Variants in CD72 observed in about 807,000 individuals in gnomAD.
The protein encoded by CD72 is CD72 molecule.
CD72 carries 28 observed loss-of-function variants against 50.7 expected under a neutral mutation model. The ratio of observed to expected loss-of-function variants is 0.55; its 90% confidence interval spans 0.41 to 0.76. The LOEUF (loss-of-function observed/expected upper bound fraction) is 0.76, where lower values mean the gene tolerates loss of function less well. CD72 is among the 30% of genes least tolerant of loss of function. The pLI, the probability that CD72 is intolerant of heterozygous loss-of-function variation, is 0.00. For missense variants in CD72, 403 were observed against 420.6 expected, an observed-to-expected ratio of 0.96 and a Z score of 0.37; for synonymous variants, 176 against 171.2, an observed-to-expected ratio of 1.03 and a Z score of -0.22.
intron 1 of CD72, chr9:35,642,858 C>A (rs1587910434): frequency 6.6e-6 from 1 of 152,158 alleles, no homozygotes; most frequent in Admixed American, 6.5e-5. Flanking sequence ...CATTTTATCA[C>A]CCAATCTGCT....
chr9:35,638,926 G>A (rs751849319), intron 1 of CD72, among the ~76,000 whole-genome samples: 7 of 152,166 alleles, frequency 4.6e-5, no homozygotes, highest in Non-Finnish European at 8.8e-5. Flanking sequence ...ACTACCCAAG[G>A]TAAAGGCGAA....
At chr9:35,616,868 A>C in intron 3 of CD72, 179 bp from the exon 4 acceptor site, 1 of 1,031,282 alleles carries the variant, frequency 9.7e-7, no homozygotes. Flanking sequence ...CAGGTAGGGG[A>C]GAGGGTGTTC....
chr9:35,617,180 G>T lies in CD72; in HGVS notation c.258C>A (p.Leu86=), dbSNP rs1228972051. ...GCCCCGCACAGGCACACTCACAGGG[G>T]AGAATCCGCCCGACAGCTGGTGACG... is the stretch of plus-strand genomic sequence containing the variant. ...AVTSPAVGRI[L]PCRTTCLRYL... Residue 86 remains leucine, a synonymous_variant, in exon 3 of 9, where the codon CTC becomes CTA. Transcript: ENST00000259633. 1 of 1,564,088 alleles carries T rather than the reference G, an allele frequency of 6.4e-7. No individual in the cohort carries two copies. Among genetic ancestry groups the T allele is most frequent in the African/African-American group, 1.4e-5 (1 of 73,688 alleles).
intron 1 of CD72, among the ~76,000 whole-genome samples, chr9:35,637,407 A>G (rs1823300678): frequency 1.3e-5 from 2 of 151,860 alleles, no homozygotes; most frequent in South Asian, 4.2e-4. Context: ...CCTCGCCCTA[A>G]CTCTGTGAGG....
chr9:35,611,378 G>C (rs1046306915), intron 7 of CD72, among the ~76,000 whole-genome samples: 3 of 152,120 alleles, frequency 2.0e-5, no homozygotes, highest in African/African-American at 4.8e-5. Context: ...GTGGAGCTTC[G>C]ATGGTACCCC....
At chr9:35,622,792 A>AT (rs1554649024), upstream of CD72, among the ~76,000 whole-genome samples, 163 of 150,838 alleles carry the variant, frequency 1.1e-3, 2 homozygotes, top group African/African-American at 3.7e-3. Flanking sequence ...GTCTCAAAAA[A>AT]AATAATAATA....
rs1290524404 is a variant in CD72 at position 35,616,064 on chromosome 9, C to T, written c.567G>A (p.Gln189=). 1 of 1,614,198 alleles carries T rather than the reference C, an allele frequency of 6.2e-7. No individual in the cohort carries two copies. The highest frequency in any genetic ancestry group is 1.3e-5 in the African/African-American group (1 of 75,038). ...QAAEGQLQAC[Q]ADRQKTKETL... ...TCTCCTTCGTCTTCTGTCTGTCTGC[C>T]TGGCAGGCCTGTAGCTGCCCTTCGG... The change falls in exon 5 of 9, where the codon CAG becomes CAA. Residue 189 remains glutamine, a synonymous_variant. Coordinates refer to ENST00000259633, the MANE Select transcript of CD72 (RefSeq NM_001782.3).
intron 1 of CD72, among the ~76,000 whole-genome samples, chr9:35,638,389 C>A (rs557995494): frequency 2.1e-4 from 32 of 152,240 alleles, no homozygotes; most frequent in Admixed American, 1.6e-3. Context: ...TCCGCTCCCC[C>A]ACCCTATAAC....
intron 5 of CD72, among the ~76,000 whole-genome samples, chr9:35,613,769 G>A (rs766544973): frequency 1.3e-5 from 2 of 152,162 alleles, no homozygotes; most frequent in African/African-American, 2.4e-5. Context: ...TTGGGAGGCC[G>A]AGGCGGGGTG....
At chr9:35,613,071 TC>T in intron 5 of CD72, 78 bp from the exon 6 acceptor site, 1 of 1,258,364 alleles carries the variant, frequency 7.9e-7, no homozygotes. Flanking sequence ...CTAACAATAT[TC>T]CCCCAGAGCT....
intron 1 of CD72, among the ~76,000 whole-genome samples, chr9:35,627,112 A>G (rs753648997): frequency 4.3e-4 from 64 of 150,196 alleles, no homozygotes; most frequent in Admixed American, 1.7e-3. Context: ...TGATCGGATT[A>G]CAGGCGTGAG....
intron 4 of CD72, 97 bp downstream of exon 4, chr9:35,616,503 A>G: frequency 9.5e-7 from 1 of 1,056,382 alleles, no homozygotes; most frequent in Non-Finnish European, 1.5e-6. Context: ...AGGTGGTGGT[A>G]GTGACTATGA....
At chr9:35,618,562 G>GT, upstream of CD72, 1 of 803,510 alleles carries the variant, frequency 1.2e-6, no homozygotes, top group South Asian at 1.5e-5. Context: ...GAACACAGGG[G>GT]TAGGGGATGG....
chr9:35,622,792 A>ATAAT (rs1554649024), upstream of CD72, among the ~76,000 whole-genome samples: 42 of 150,838 alleles, frequency 2.8e-4, no homozygotes, highest in South Asian at 1.7e-3. Flanking sequence ...GTCTCAAAAA[A>ATAAT]AATAATAATA....
At chr9:35,623,807 A>T (rs559248329), upstream of CD72, among the ~76,000 whole-genome samples, 1 of 152,136 alleles carries the variant, frequency 6.6e-6, no homozygotes. Flanking sequence ...CCAGCTACTC[A>T]GGAGGCTGAG....
At chr9:35,646,769 C>G (rs1823397769) in exon 1 of CD72, 1 of 152,354 alleles carries the variant, frequency 6.6e-6, no homozygotes, top group Admixed American at 6.5e-5. Flanking sequence ...GTTCCGCGAA[C>G]TTGGGAGGCG....
intron 3 of CD72, 69 bp downstream of exon 3, chr9:35,617,107 C>A (rs1347122417): frequency 3.9e-6 from 6 of 1,544,982 alleles, no homozygotes; most frequent in Non-Finnish European, 5.2e-6. Flanking sequence ...CCGCGGGGCC[C>A]AGCGCCATCC....
chr9:35,637,336 C>CA (rs1823299984), intron 1 of CD72, among the ~76,000 whole-genome samples: 1 of 152,210 alleles, frequency 6.6e-6, no homozygotes, highest in Non-Finnish European at 1.5e-5. Context: ...CACAGACGTG[C>CA]ATGGCATTTG....
upstream of CD72, among the ~76,000 whole-genome samples, chr9:35,622,696 A>G (rs537706895): frequency 7.2e-5 from 11 of 152,122 alleles, no homozygotes; most frequent in Non-Finnish European, 1.3e-4. Flanking sequence ...CTGAAGCAAA[A>G]GAATCGCTTA....
Sources: gnomAD v4.1 joint callset for allele counts (sites outside exome capture counted in the v4.1 genomes callset) on GRCh38, gnomAD v4.1.1 for gene constraint, MANE v1.5 for transcripts, NCBI Gene and HGNC (gene_info 2026-07-23, HGNC 2026-07-21) for gene names.